SLC8A1: variants seen among roughly 807,000 people sequenced by gnomAD.
The protein encoded by SLC8A1 is solute carrier family 8 member A1.
Under a neutral mutation model 68.3 loss-of-function variants are expected in SLC8A1, and 18 were observed. The ratio of observed to expected loss-of-function variants is 0.26; its 90% confidence interval spans 0.18 to 0.39. The LOEUF (loss-of-function observed/expected upper bound fraction) is 0.39. Among genes scored for constraint, SLC8A1 ranks in the 10% least tolerant of loss-of-function variants. The pLI, the probability that SLC8A1 is intolerant of heterozygous loss-of-function variation, is 1.00. For missense variants in SLC8A1, 985 were observed against 1,156.7 expected (o/e 0.85, Z 2.15); for synonymous variants, 475 against 415.5 (o/e 1.14, Z -1.74).
chr2:40,493,399 T>C (rs1042944728), intron 1 of SLC8A1, among the ~76,000 whole-genome samples: 17 of 151,102 alleles, frequency 1.1e-4, no homozygotes, highest in African/African-American at 4.1e-4. Flanking sequence ...TAGTGCTAAA[T>C]GACGAGTTAG....
At chr2:40,304,694 C>T (rs6729923) in intron 2 of SLC8A1, among the ~76,000 whole-genome samples, 35,973 of 151,968 alleles carry the variant, frequency 0.24, 4,440 homozygotes, top group East Asian at 0.37. Flanking sequence ...CATGTGCTGC[C>T]GTGTCTGCTC....
At chr2:40,203,624 A>ATAATT (rs1310570908) in intron 2 of SLC8A1, among the ~76,000 whole-genome samples, 2 of 152,046 alleles carry the variant, frequency 1.3e-5, no homozygotes, top group Non-Finnish European at 2.9e-5. Context: ...AACCAATGCA[A>ATAATT]TAATTTACAA....
rs138455220 is a variant in SLC8A1 at position 40,228,094 on chromosome 2, T to G, written c.1809-50239A>C. The stretch of plus-strand genomic sequence containing the variant: ...TTATTTAATTAAAAAACCATTTGTC[T>G]TGAGGACTGCCTTTCATCAGTGCAA... On this transcript the variant is annotated intron_variant, in intron 2 of 7. Transcript: ENST00000406785. Among the ~76,000 whole-genome samples the G allele has an allele frequency of 5.1e-3, 770 of 152,338 alleles. 3 individuals are homozygous for G. The highest frequency in any genetic ancestry group is 0.02 in the Middle Eastern group (6 of 294).
At chr2:40,467,006 G>C (rs1231270816) in intron 1 of SLC8A1, among the ~76,000 whole-genome samples, 5 of 150,818 alleles carry the variant, frequency 3.3e-5, no homozygotes, top group African/African-American at 9.7e-5. Flanking sequence ...GAACGGAAGA[G>C]AAGTGACATA....
chr2:40,340,788 T>C (rs1276829911), intron 2 of SLC8A1, among the ~76,000 whole-genome samples: 4 of 152,118 alleles, frequency 2.6e-5, no homozygotes, highest in Non-Finnish European at 5.9e-5. Context: ...AAACGGAAAT[T>C]CATCATGCAG....
chr2:40,354,912 T>G (rs1047556060), intron 2 of SLC8A1, among the ~76,000 whole-genome samples: 11 of 152,140 alleles, frequency 7.2e-5, no homozygotes, highest in African/African-American at 2.7e-4. Context: ...GAAATATCCC[T>G]GGAAAACTTT....
rs560304184 is a variant in SLC8A1, at chr2:40,442,241, C to A, written c.-25+9663G>T. ...TAAAAAAACAAACAAATGTATAAATCTTTTTACTAAAAGTGATAATTCAAA... is the reference window on the plus strand; with the variant it reads ...TAAAAAAACAAACAAATGTATAAATATTTTTACTAAAAGTGATAATTCAAA... On this transcript the variant is annotated intron_variant, in intron 1 of 7. Coordinates refer to ENST00000406785, the Ensembl canonical transcript of SLC8A1. 4.7e-3 allele frequency among the ~76,000 whole-genome samples: 711 copies of A among 149,760 alleles called. 5 individuals carry two copies. Among genetic ancestry groups the A allele is most frequent in the African/African-American group, 0.017 (680 of 40,906 alleles).
intron 1 of SLC8A1, among the ~76,000 whole-genome samples, chr2:40,492,678 G>T (rs1230027446): frequency 2.0e-5 from 3 of 148,702 alleles, no homozygotes; most frequent in African/African-American, 7.4e-5. Flanking sequence ...TCAAAAAGTG[G>T]GCAAAGGACA....
chr2:40,331,114 T>C (rs1027370552), intron 2 of SLC8A1, among the ~76,000 whole-genome samples: 1 of 152,200 alleles, frequency 6.6e-6, no homozygotes, highest in Non-Finnish European at 1.5e-5. Context: ...GATTCCTACC[T>C]AGGAAAATGA....
chr2:40,347,451 G>A (rs887133345), intron 2 of SLC8A1, among the ~76,000 whole-genome samples: 3 of 152,222 alleles, frequency 2.0e-5, no homozygotes, highest in Non-Finnish European at 2.9e-5. Flanking sequence ...TTCAGAGCCA[G>A]ACAGCTTGAG....
At chr2:40,216,953 G>C (rs1354336412) in intron 2 of SLC8A1, among the ~76,000 whole-genome samples, 2 of 152,132 alleles carry the variant, frequency 1.3e-5, no homozygotes, top group Non-Finnish European at 2.9e-5. Context: ...TAGGTTGCCT[G>C]TTCACTCTGA....
intron 2 of SLC8A1, among the ~76,000 whole-genome samples, chr2:40,361,877 CTTTTCTTTCCTTTTTTT>C (rs1674724245): frequency 1.6e-5 from 1 of 64,462 alleles, no homozygotes; most frequent in African/African-American, 5.7e-5. Flanking sequence ...ATGTTTATAT[CTTTTCTTTCCTTTTTTT>C]TTTTTTTTTT....
chr2:40,395,312 C>G (rs1022801107), intron 2 of SLC8A1, among the ~76,000 whole-genome samples: 1 of 152,108 alleles, frequency 6.6e-6, no homozygotes, highest in African/African-American at 2.4e-5. Context: ...TTAGGTAAAT[C>G]AGATCTCAAA....
At chr2:40,425,090 A>T (rs1696503371) in intron 2 of SLC8A1, among the ~76,000 whole-genome samples, 1 of 151,842 alleles carries the variant, frequency 6.6e-6, no homozygotes, top group Non-Finnish European at 1.5e-5. Context: ...AGTCAAAATT[A>T]GTTGGCATTG....
intron 1 of SLC8A1, among the ~76,000 whole-genome samples, chr2:40,500,376 T>C (rs1214875882): frequency 6.6e-6 from 1 of 152,124 alleles, no homozygotes; most frequent in East Asian, 1.9e-4. Flanking sequence ...ACTGCATTAC[T>C]ATAACCGTGG....
chr2:40,492,482 A>G (rs1451770942), intron 1 of SLC8A1, among the ~76,000 whole-genome samples: 1 of 152,160 alleles, frequency 6.6e-6, no homozygotes, highest in Admixed American at 6.5e-5. Flanking sequence ...ACAAAAGCCA[A>G]AATTGACAAA....
Position 40,164,911 on chromosome 2 carries a change from G to A in SLC8A1, c.2004C>T (p.Pro668=), listed in dbSNP as rs1245045208. The A allele has an allele frequency of 1.9e-6, 3 of 1,613,960 alleles. No homozygotes were observed. The Admixed American group carries it at 5.0e-5, about 27-fold the overall frequency. ...CCAACTTGGTGTGCTCTCCCAGGATGGGGCGCCCCATTTCTGCAATGCGCC... is the reference window on the plus strand; with the variant it reads ...CCAACTTGGTGTGCTCTCCCAGGATAGGGCGCCCCATTTCTGCAATGCGCC... Residue 668 remains proline, a synonymous_variant, in exon 5 of 8, where the codon CCC becomes CCT. Coordinates refer to ENST00000406785, the Ensembl canonical transcript of SLC8A1.
rs937882832 is a variant in SLC8A1 at position 40,163,673 on chromosome 2, A to G, written c.2061+1181T>C. 2.6e-5 allele frequency among the ~76,000 whole-genome samples: 4 copies of G among 152,134 alleles called. No individual in the cohort carries two copies. In the East Asian group the frequency reaches 5.8e-4, roughly 22 times the overall value. On this transcript the variant is annotated intron_variant, in intron 5 of 7. Coordinates refer to ENST00000406785, the Ensembl canonical transcript of SLC8A1. ...GGTCTGCCTAGAAAGCATTGGTTCC[A>G]CTGTTTACCCCCGGACCCCCTCCTC... is the stretch of plus-strand genomic sequence containing the variant.
rs1300235915 is a variant in SLC8A1 at position 40,357,197 on chromosome 2, C to T, written c.1808+71276G>A. Reference sequence around the variant, plus strand: ...AACATTCAAAAATATATTTATTTTTCCTTAAAGAATGTAAACAGGTCAGCT... The same window carrying T: ...AACATTCAAAAATATATTTATTTTTTCTTAAAGAATGTAAACAGGTCAGCT... On this transcript the variant is annotated intron_variant, in intron 2 of 7. Coordinates refer to ENST00000406785, the Ensembl canonical transcript of SLC8A1. Among the ~76,000 whole-genome samples the T allele has an allele frequency of 2.0e-5, 3 of 152,112 alleles. No individual in the cohort carries two copies. The East Asian group carries it at 5.8e-4, about 29-fold the overall frequency.
Sources: gnomAD v4.1 joint callset for allele counts (sites outside exome capture counted in the v4.1 genomes callset) on GRCh38, gnomAD v4.1.1 for gene constraint, MANE v1.5 for transcripts, NCBI Gene and HGNC (gene_info 2026-07-23, HGNC 2026-07-21) for gene names.